C1QTNF7: variants seen among roughly 807,000 people sequenced by gnomAD.
The protein encoded by C1QTNF7 is complement C1q tumor necrosis factor-related protein 7.
C1QTNF7 carries 15 observed loss-of-function variants against 19.6 expected under a neutral mutation model. The observed-to-expected ratio is 0.76, with a 90% CI of 0.51 to 1.18. C1QTNF7 has a LOEUF of 1.18. Ranked by LOEUF, C1QTNF7 falls within the 50% of genes most tolerant of loss-of-function variation. The probability of loss-of-function intolerance (pLI) is 0.00; values close to 1 mark genes in which losing one functional copy is unlikely to be tolerated. For missense variants in C1QTNF7, 324 were observed against 359.7 expected (o/e 0.90, Z 0.80); for synonymous variants, 142 against 137.5 (o/e 1.03, Z -0.23).
intron 1 of C1QTNF7, among the ~76,000 whole-genome samples, chr4:15,368,135 C>G (rs918646245): frequency 6.6e-6 from 1 of 152,092 alleles, no homozygotes; most frequent in Non-Finnish European, 1.5e-5. Context: ...GTTGCATTTT[C>G]TAGACTTTTA....
chr4:15,428,729 GCAGCTCAGGTCTCCATCCTGTCC>G, intron 1 of C1QTNF7, among the ~76,000 whole-genome samples: 1 of 152,254 alleles, frequency 6.6e-6, no homozygotes, highest in South Asian at 2.1e-4. Context: ...TGAGGCATGA[GCAGCTCAGGTCTCCATCCTGTCC>G]CAATCACAGT....
At chr4:15,341,906 C>T (rs2109277352) in intron 1 of C1QTNF7, among the ~76,000 whole-genome samples, 1 of 152,310 alleles carries the variant, frequency 6.6e-6, no homozygotes, top group South Asian at 2.1e-4. Flanking sequence ...GCTGAGAAGC[C>T]GGAGCGCGAA....
intron 1 of C1QTNF7, among the ~76,000 whole-genome samples, chr4:15,348,469 T>A (rs1351791782): frequency 1.3e-5 from 2 of 152,182 alleles, no homozygotes; most frequent in African/African-American, 4.8e-5. Flanking sequence ...CTCAGAGATA[T>A]GTTATCAGCA....
rs1227663816 is a variant in C1QTNF7, at chr4:15,428,154, A to G, written c.-9+48A>G. 8 of 860,638 alleles carry G rather than the reference A, an allele frequency of 9.3e-6. No homozygotes were observed. In the Admixed American group the frequency reaches 2.5e-4, roughly 27 times the overall value. The allele number at this position is 860,638 out of a possible 1,614,324, so 53.3% of individuals were successfully genotyped here. A position where few individuals can be genotyped will look rare whatever the true frequency, so the allele number is the denominator to read the frequency against. On this transcript the variant is annotated intron_variant, in intron 1 of 2. Coordinates refer to ENST00000444304, the MANE Select transcript of C1QTNF7 (RefSeq NM_031911.5). ...TAGAATTTTGGCAAATGTAGATGCA[A>G]TGGCCTGTTCTCGTGACGGGAGCTT...
At chr4:15,386,839 T>A (rs1254657545) in intron 1 of C1QTNF7, among the ~76,000 whole-genome samples, 2 of 151,988 alleles carry the variant, frequency 1.3e-5, no homozygotes, top group African/African-American at 4.8e-5. Context: ...AAGTAGAATA[T>A]GATGTAGACT....
chr4:15,425,551 GAAGA>G (rs1222152301), upstream of C1QTNF7, among the ~76,000 whole-genome samples: 2 of 152,122 alleles, frequency 1.3e-5, no homozygotes, highest in Admixed American at 1.3e-4. Flanking sequence ...AGAGGAGGAG[GAAGA>G]AACAGAGGGT....
upstream of C1QTNF7, among the ~76,000 whole-genome samples, chr4:15,427,573 T>C (rs1354957487): frequency 6.6e-6 from 1 of 152,206 alleles, no homozygotes; most frequent in Non-Finnish European, 1.5e-5. Context: ...TTTCCTGCCA[T>C]ATTTACCAAG....
Position 15,442,966 on chromosome 4 carries a change from C to G in C1QTNF7, c.*167C>G. 1.6e-6 allele frequency: 1 copy of G among 616,802 alleles called. No homozygotes were observed. Among genetic ancestry groups the G allele is most frequent in the East Asian group, 3.0e-5 (1 of 33,042 alleles). 38.2% of individuals were successfully genotyped at this position (616,802 alleles called of 1,614,324 possible). ...AGATGAAACACAGAAAAGTTGAAAC[C>G]ACAACAAAATGAATTCTATTAAAGA... is the stretch of plus-strand genomic sequence containing the variant. On this transcript the variant is annotated 3_prime_UTR_variant, in exon 3 of 3. Coordinates refer to ENST00000444304, the MANE Select transcript of C1QTNF7 (RefSeq NM_031911.5).
At chr4:15,383,292 T>C (rs1718214172) in intron 1 of C1QTNF7, among the ~76,000 whole-genome samples, 1 of 152,044 alleles carries the variant, frequency 6.6e-6, no homozygotes, top group South Asian at 2.1e-4. Context: ...TGTTGCTAGG[T>C]TCAGGGCAGA....
At chr4:15,393,975 G>A (rs1440190171) in intron 1 of C1QTNF7, among the ~76,000 whole-genome samples, 1 of 152,174 alleles carries the variant, frequency 6.6e-6, no homozygotes, top group African/African-American at 2.4e-5. Flanking sequence ...GGGAAGTAAG[G>A]GCAGAGGGGG....
At position 15,347,554 on chromosome 4, in the gene C1QTNF7, T is replaced by C. The variant is rs183089426; in HGVS notation, c.13+7347T>C. On this transcript the variant is annotated intron_variant, in intron 1 of 2. Coordinates refer to the C1QTNF7 transcript ENST00000295297. The stretch of plus-strand genomic sequence containing the variant: ...GACTTGCTCACCAAATTTCAGATGA[T>C]TTTCACAACTTGTGCCAACTCCATA... Among the ~76,000 whole-genome samples the C allele has an allele frequency of 1.7e-3, 255 of 152,266 alleles. 1 individual carries two copies. The highest frequency in any genetic ancestry group is 6.8e-3 in the Middle Eastern group (2 of 294).
chr4:15,401,039 G>A (rs1718972327), intron 1 of C1QTNF7, among the ~76,000 whole-genome samples: 2 of 152,192 alleles, frequency 1.3e-5, no homozygotes, highest in African/African-American at 4.8e-5. Context: ...TGTCTTAGAG[G>A]AGGGCAGAAC....
chr4:15,343,230 A>T (rs1577224038), intron 1 of C1QTNF7, among the ~76,000 whole-genome samples: 1 of 152,328 alleles, frequency 6.6e-6, no homozygotes, highest in East Asian at 1.9e-4. Flanking sequence ...ACTTTTTCTG[A>T]AGTATCACAT....
At chr4:15,437,291 C>T (rs568627634) in intron 2 of C1QTNF7, among the ~76,000 whole-genome samples, 1 of 151,972 alleles carries the variant, frequency 6.6e-6, no homozygotes, top group Non-Finnish European at 1.5e-5. Flanking sequence ...ATCTAGTATC[C>T]TTGGCCACAT....
At chr4:15,361,064 T>C (rs1371917580) in intron 1 of C1QTNF7, 2 of 152,196 alleles carry the variant, frequency 1.3e-5, no homozygotes, top group African/African-American at 4.8e-5. Context: ...AAAGCAATTC[T>C]ATTTAGTATT....
intron 1 of C1QTNF7, among the ~76,000 whole-genome samples, chr4:15,383,352 A>G (rs1297785355): frequency 6.6e-6 from 1 of 152,184 alleles, no homozygotes; most frequent in East Asian, 1.9e-4. Flanking sequence ...ATGGCCCCCA[A>G]AATGGTTACG....
At chr4:15,440,550 G>C (rs1712715038) in intron 2 of C1QTNF7, among the ~76,000 whole-genome samples, 1 of 151,944 alleles carries the variant, frequency 6.6e-6, no homozygotes, top group Non-Finnish European at 1.5e-5. Context: ...TGGGACTACA[G>C]GCGCGCACCA....
At chr4:15,394,369 A>T (rs1577254570) in intron 1 of C1QTNF7, among the ~76,000 whole-genome samples, 1 of 152,278 alleles carries the variant, frequency 6.6e-6, no homozygotes, top group African/African-American at 2.4e-5. Context: ...GAATGCCCAG[A>T]TAACTTACAA....
intron 1 of C1QTNF7, among the ~76,000 whole-genome samples, chr4:15,379,185 C>T (rs960745449): frequency 6.6e-6 from 1 of 151,984 alleles, no homozygotes; most frequent in Non-Finnish European, 1.5e-5. Context: ...TAAACAAGTT[C>T]CCGAGTTAAG....
Sources: gnomAD v4.1 joint callset for allele counts (sites outside exome capture counted in the v4.1 genomes callset) on GRCh38, gnomAD v4.1.1 for gene constraint, MANE v1.5 for transcripts, NCBI Gene and HGNC (gene_info 2026-07-23, HGNC 2026-07-21) for gene names.